HHAT: variants seen among roughly 807,000 people sequenced by gnomAD.
The protein encoded by HHAT is hedgehog acyltransferase, also known as protein-cysteine N-palmitoyltransferase HHAT.
A neutral mutation model predicts 70.8 loss-of-function variants in HHAT; 47 were observed. That is an observed-to-expected ratio of 0.66 (90% CI 0.53 to 0.85). The LOEUF (loss-of-function observed/expected upper bound fraction) is 0.85. Ranked by LOEUF, HHAT falls within the 40% of genes least tolerant of loss-of-function variation. HHAT has a pLI of 0.00. For synonymous variants in HHAT, 228 were observed against 247.6 expected (o/e 0.92, Z 0.74); for missense variants, 609 against 604.8 (o/e 1.01, Z -0.07).
At chr1:210,495,049 A>G (rs540635337) in intron 8 of HHAT, among the ~76,000 whole-genome samples, 13 of 152,186 alleles carry the variant, frequency 8.5e-5, no homozygotes, top group South Asian at 2.1e-4. Context: ...CCAAGGACCA[A>G]TGAGCCCTGT....
At chr1:210,631,140 A>T (rs1412976811) in intron 11 of HHAT, 7 of 455,788 alleles carry the variant, frequency 1.5e-5, no homozygotes, top group Non-Finnish European at 2.6e-5. Context: ...TATAGAAAAC[A>T]CCTCCGAATT....
intron 6 of HHAT, among the ~76,000 whole-genome samples, chr1:210,414,074 T>C (rs2092644541): frequency 6.6e-6 from 1 of 152,234 alleles, no homozygotes; most frequent in Non-Finnish European, 1.5e-5. Context: ...ATAAATGTAT[T>C]GCTCACAGTT....
chr1:210,496,970 G>A (rs531936845), intron 8 of HHAT, among the ~76,000 whole-genome samples: 5 of 152,080 alleles, frequency 3.3e-5, no homozygotes, highest in African/African-American at 1.2e-4. Flanking sequence ...CAAATCTGTG[G>A]CCATATTTTA....
At chr1:210,664,680 C>T (rs1678509062) in intron 11 of HHAT, among the ~76,000 whole-genome samples, 1 of 150,470 alleles carries the variant, frequency 6.6e-6, no homozygotes, top group African/African-American at 2.5e-5. Context: ...AGGGCACAGG[C>T]ATGGACCAGT....
intron 3 of HHAT, among the ~76,000 whole-genome samples, chr1:210,374,831 A>G (rs1029300433): frequency 7.5e-5 from 11 of 147,396 alleles, no homozygotes; most frequent in Non-Finnish European, 1.5e-4. Context: ...CAAGTTTATT[A>G]CCTGGGTATA....
rs200224275 is a variant in HHAT at position 210,406,472 on chromosome 1, C to A, written c.684+1793C>A. On this transcript the variant is annotated intron_variant, in intron 6 of 11. Transcript: ENST00000261458. The stretch of plus-strand genomic sequence containing the variant: ...GCAGTGGTGTAATCTCAGCTTACTG[C>A]AACCTCCACCTCCTGGGTTCAAGTG... 2.1e-4 allele frequency among the ~76,000 whole-genome samples: 32 copies of A among 151,708 alleles called. 1 individual carries two copies. In the East Asian group the frequency reaches 3.7e-3, roughly 17 times the overall value.
chr1:210,532,663 C>T (rs1395087767), intron 9 of HHAT, among the ~76,000 whole-genome samples: 4 of 152,140 alleles, frequency 2.6e-5, no homozygotes, highest in Admixed American at 6.6e-5. Flanking sequence ...TTTATGTTTC[C>T]GTCGGCACCA....
chr1:210,360,084 T>G (rs34326582), intron 2 of HHAT, among the ~76,000 whole-genome samples: 16,189 of 152,190 alleles, frequency 0.11, 1,053 homozygotes, highest in Non-Finnish European at 0.15. Flanking sequence ...TACTGCAGCT[T>G]GTGGAAAGAT....
At position 210,397,064 on chromosome 1, in the gene HHAT, T is replaced by C. The variant is rs144775167; in HGVS notation, c.274-3404T>C. Among the ~76,000 whole-genome samples the C allele has an allele frequency of 3.5e-3, 525 of 150,256 alleles. 6 individuals carry two copies. Among genetic ancestry groups the C allele is most frequent in the Non-Finnish European group, 1.9e-3 (127 of 67,744 alleles). On this transcript the variant is annotated intron_variant, in intron 4 of 11. Coordinates refer to ENST00000261458, the MANE Select transcript of HHAT (RefSeq NM_018194.6). ...GTGAAACTAGAGAAATCTGAATAAG[T>C]TTGGTGCATTGCAGCAACATCAATA... is the stretch of plus-strand genomic sequence containing the variant.
At chr1:210,626,752 AT>A (rs201087763) in intron 11 of HHAT, among the ~76,000 whole-genome samples, 22 of 152,310 alleles carry the variant, frequency 1.4e-4, no homozygotes, top group Admixed American at 6.5e-5. Flanking sequence ...GTGAAAAAAA[AT>A]AATGAGTCTA....
intron 11 of HHAT, among the ~76,000 whole-genome samples, chr1:210,640,988 A>G (rs1338454183): frequency 6.6e-6 from 1 of 152,236 alleles, no homozygotes; most frequent in Non-Finnish European, 1.5e-5. Flanking sequence ...TATTTTCACT[A>G]CATCACACTA....
At chr1:210,491,167 A>G (rs1265383588) in intron 8 of HHAT, among the ~76,000 whole-genome samples, 2 of 134,330 alleles carry the variant, frequency 1.5e-5, no homozygotes, top group Non-Finnish European at 3.5e-5. Flanking sequence ...CTGAGACCCT[A>G]GTCGGTGTGG....
intron 4 of HHAT, among the ~76,000 whole-genome samples, chr1:210,396,476 C>T (rs1328907230): frequency 6.6e-6 from 1 of 152,232 alleles, no homozygotes; most frequent in Non-Finnish European, 1.5e-5. Flanking sequence ...CTGGATCACA[C>T]ATGCATTGCT....
chr1:210,488,822 G>A (rs2094510249), intron 8 of HHAT, among the ~76,000 whole-genome samples: 1 of 152,184 alleles, frequency 6.6e-6, no homozygotes, highest in African/African-American at 2.4e-5. Context: ...GAGCCCCTGA[G>A]GCAGAGATCG....
At chr1:210,495,493 A>G (rs1572836839) in intron 8 of HHAT, among the ~76,000 whole-genome samples, 1 of 152,030 alleles carries the variant, frequency 6.6e-6, no homozygotes. Flanking sequence ...TCCTTTCTTT[A>G]CTCTCAGTTA....
chr1:210,676,243 T>C lies in HHAT; in HGVS notation c.*1864T>C, dbSNP rs548017284. The stretch of plus-strand genomic sequence containing the variant: ...ATCCTGAATCTCTTTTAAACTATTA[T>C]ATGATTCATAATGGTTCTCAGGAAT... On this transcript the variant is annotated 3_prime_UTR_variant, in exon 12 of 12. Coordinates refer to ENST00000261458, the MANE Select transcript of HHAT (RefSeq NM_018194.6). 1 of 152,216 alleles carries C rather than the reference T, an allele frequency of 6.6e-6. No homozygotes were observed. Among genetic ancestry groups the C allele is most frequent in the Non-Finnish European group, 1.5e-5 (1 of 68,038 alleles). The allele number at this position is 152,216 out of a possible 1,614,324, so 9.4% of individuals were successfully genotyped here.
chr1:210,575,375 T>A (rs944127845), intron 9 of HHAT, among the ~76,000 whole-genome samples: 2 of 152,192 alleles, frequency 1.3e-5, no homozygotes, highest in African/African-American at 2.4e-5. Context: ...AGGACCTTTT[T>A]ATTAGCAATT....
chr1:210,574,686 G>A, intron 9 of HHAT, among the ~76,000 whole-genome samples: 1 of 152,208 alleles, frequency 6.6e-6, no homozygotes, highest in East Asian at 1.9e-4. Context: ...CAGGGCCATG[G>A]GCCATGGGCC....
chr1:210,392,508 C>T lies in HHAT; in HGVS notation c.273+4927C>T, dbSNP rs115740086. Among the ~76,000 whole-genome samples, 770 of 152,186 alleles carry T rather than the reference C, an allele frequency of 5.1e-3. 8 individuals are homozygous for T. The highest frequency in any genetic ancestry group is 0.018 in the African/African-American group (727 of 41,504). On this transcript the variant is annotated intron_variant, in intron 4 of 11. Coordinates refer to ENST00000261458, the MANE Select transcript of HHAT (RefSeq NM_018194.6). ...TGTTTATATCTCTTCATGTACTGTG[C>T]GTATGTCTGTGCTTTATGCATAAGG...
Sources: allele counts gnomAD v4.1 joint callset (sites outside exome capture counted in the v4.1 genomes callset), GRCh38; gene constraint gnomAD v4.1.1; transcripts MANE v1.5; gene names NCBI Gene and HGNC (gene_info 2026-07-23, HGNC 2026-07-21).